Variants in DNAH9 observed in about 807,000 individuals in gnomAD.
The protein encoded by DNAH9 is dynein axonemal heavy chain 9.
In DNAH9, 345 loss-of-function variants were observed where a neutral mutation model predicts 471.6. The observed-to-expected ratio is 0.73, with a 90% CI of 0.67 to 0.80. DNAH9 has a LOEUF of 0.80. DNAH9 is among the 30% of genes least tolerant of loss of function. The pLI is 0.00. For missense variants in DNAH9, 5,407 were observed against 5,609.2 expected (o/e 0.96, Z 1.15); for synonymous variants, 2,093 against 2,123.6 (o/e 0.99, Z 0.40).
intron 31 of DNAH9, among the ~76,000 whole-genome samples, chr17:11,745,895 GCA>G (rs2075516301): frequency 6.6e-6 from 1 of 151,784 alleles, no homozygotes; most frequent in Non-Finnish European, 1.5e-5. Context: ...ATTCACACAT[GCA>G]CACACACACA....
intron 61 of DNAH9, among the ~76,000 whole-genome samples, chr17:11,907,821 G>A (rs543387150): frequency 4.6e-5 from 7 of 152,202 alleles, no homozygotes; most frequent in South Asian, 2.1e-4. Context: ...CTCCAGATAC[G>A]CAGTCCCCCT....
chr17:11,781,528 G>A (rs1232186387), intron 39 of DNAH9, among the ~76,000 whole-genome samples: 2 of 152,160 alleles, frequency 1.3e-5, no homozygotes, highest in African/African-American at 2.4e-5. Flanking sequence ...CTGGGCATGT[G>A]CTTCAATGAT....
chr17:11,906,488 A>C (rs541704862), intron 61 of DNAH9, among the ~76,000 whole-genome samples: 1 of 152,004 alleles, frequency 6.6e-6, no homozygotes, highest in African/African-American at 2.4e-5. Flanking sequence ...TTAGCTAAGC[A>C]TGGTGGCAGG....
chr17:11,747,573 G>A lies in DNAH9; in HGVS notation c.6417G>A (p.Glu2139=). 2 of 1,613,668 alleles carry A rather than the reference G, an allele frequency of 1.2e-6. No individual in the cohort carries two copies. The highest frequency in any genetic ancestry group is 2.2e-5 in the South Asian group (2 of 91,050). The change falls in exon 32 of 69, where the codon GAG becomes GAA. Residue 2139 remains glutamate (E), a synonymous_variant. Coordinates refer to ENST00000262442, the MANE Select transcript of DNAH9 (RefSeq NM_001372.4). ...NFVLKVVQLE[E]LLAVRHSVFV... ...CTCCTCAGGTGGTCCAGCTGGAGGA[G>A]CTCCTGGCTGTGCGGCACTCTGTAT...
chr17:11,818,790 C>G (rs1970200996), intron 45 of DNAH9, among the ~76,000 whole-genome samples: 1 of 151,944 alleles, frequency 6.6e-6, no homozygotes, highest in Non-Finnish European at 1.5e-5. Context: ...TTCATTCTTA[C>G]CTCCCTCAGT....
intron 14 of DNAH9, among the ~76,000 whole-genome samples, chr17:11,662,227 C>A (rs550581567): frequency 5.9e-5 from 9 of 152,166 alleles, no homozygotes; most frequent in East Asian, 1.9e-4. Context: ...GCTGCTTTTA[C>A]TAGATTCTTT....
At chr17:11,776,169 G>A (rs746135641) in intron 38 of DNAH9, among the ~76,000 whole-genome samples, 49 of 152,138 alleles carry the variant, frequency 3.2e-4, no homozygotes, top group Middle Eastern at 3.2e-3. Context: ...TTGACCGCAA[G>A]TAGTGGAAAA....
In DNAH9 at chr17:11,623,741, C is replaced by T. The variant is rs2072919116; in HGVS notation, c.1350+3960C>T. Among the ~76,000 whole-genome samples the T allele has an allele frequency of 6.6e-6, 1 of 152,130 alleles. No individual in the cohort carries two copies. The highest frequency in any genetic ancestry group is 6.6e-5 in the Admixed American group (1 of 15,264). On this transcript the variant is annotated intron_variant, in intron 6 of 68. Transcript: ENST00000262442. This position sits in a 1 kb window ranked among gnomAD's most constrained non-coding sequence, Gnocchi z 4.1. ...TCTTCTATTCTAATACAATCTATGGCCACTGAGATGATGGTAGCTGCAATT... is the reference window on the plus strand; with the variant it reads ...TCTTCTATTCTAATACAATCTATGGTCACTGAGATGATGGTAGCTGCAATT...
intron 54 of DNAH9, among the ~76,000 whole-genome samples, chr17:11,880,530 G>A (rs1972678940): frequency 6.6e-6 from 1 of 152,146 alleles, no homozygotes; most frequent in Non-Finnish European, 1.5e-5. Flanking sequence ...TCTTATACAA[G>A]CCAGTCATCT....
At chr17:11,873,006 A>C (rs1972343869) in intron 52 of DNAH9, among the ~76,000 whole-genome samples, 1 of 152,224 alleles carries the variant, frequency 6.6e-6, no homozygotes, top group East Asian at 1.9e-4. Context: ...TTCCAGATCT[A>C]TTTGTAAGTA....
chr17:11,799,792 C>T (rs111882141), intron 43 of DNAH9, among the ~76,000 whole-genome samples: 8,210 of 152,188 alleles, frequency 0.054, 267 homozygotes, highest in African/African-American at 0.072. Flanking sequence ...ACGATGTTGG[C>T]CAGGCTGGTC....
chr17:11,621,820 G>A (rs934652946), intron 6 of DNAH9, among the ~76,000 whole-genome samples: 6 of 151,962 alleles, frequency 3.9e-5, no homozygotes, highest in South Asian at 4.2e-4. Context: ...GGTGGCTCAC[G>A]CCTGTAATCC....
intron 32 of DNAH9, among the ~76,000 whole-genome samples, chr17:11,749,956 A>G (rs12451647): frequency 0.64 from 96,662 of 151,974 alleles, 31,485 homozygotes; most frequent in Admixed American, 0.76. Flanking sequence ...TCTTGTCTCA[A>G]GCACTTCTTT....
Position 11,744,992 on chromosome 17 carries a change from GTCCCCC to G in DNAH9, c.6308_6313del (p.Val2103_Arg2105delinsGly). ...CGGGGACCTCTTTCCCGCCCTGGAT[GTCCCCC>G]GGAGGAGAGACCCCAACTTCGAAGC... On this transcript the variant is annotated inframe_deletion, in exon 31 of 69. Coordinates refer to ENST00000262442, the MANE Select transcript of DNAH9 (RefSeq NM_001372.4). 6.2e-7 allele frequency: 1 copy of G among 1,614,128 alleles called. No homozygotes were observed. Among genetic ancestry groups the G allele is most frequent in the Non-Finnish European group, 8.5e-7 (1 of 1,179,978 alleles).
intron 10 of DNAH9, among the ~76,000 whole-genome samples, chr17:11,641,450 G>A (rs2073270389): frequency 6.6e-6 from 1 of 152,110 alleles, no homozygotes; most frequent in Non-Finnish European, 1.5e-5. Context: ...CCCATTTGCA[G>A]CATCTGCTTG....
At chr17:11,762,786 T>TG (rs796619027) in intron 35 of DNAH9, among the ~76,000 whole-genome samples, 2,682 of 135,748 alleles carry the variant, frequency 0.02, 184 homozygotes, top group African/African-American at 0.069. Context: ...TTTTTTTTTT[T>TG]TTTTTTTTTT....
chr17:11,669,929 G>A lies in DNAH9; in HGVS notation c.3353+135G>A, dbSNP rs1377347359. 3 of 773,794 alleles carry A rather than the reference G, an allele frequency of 3.9e-6. No homozygotes were observed. In the East Asian group the frequency reaches 7.6e-5, roughly 20 times the overall value. The allele number at this position is 773,794 out of a possible 1,614,324, so 47.9% of individuals were successfully genotyped here. On this transcript the variant is annotated intron_variant, in intron 17 of 68. Transcript: ENST00000262442. ...TTAAGACAGCTGGTTAGAGGTTCTA[G>A]GCTTTTGGACACCATGGTAACTTAA...
At chr17:11,650,620 C>A (rs1244351985) in intron 12 of DNAH9, among the ~76,000 whole-genome samples, 1 of 152,238 alleles carries the variant, frequency 6.6e-6, no homozygotes, top group Non-Finnish European at 1.5e-5. Flanking sequence ...CTCGCTATAA[C>A]TGTTTCATTT....
chr17:11,867,865 T>A (rs775037543), intron 50 of DNAH9, among the ~76,000 whole-genome samples: 3 of 152,226 alleles, frequency 2.0e-5, no homozygotes, highest in Non-Finnish European at 4.4e-5. Context: ...ATACTGTGCA[T>A]GTGGATGGAG....
Sources: allele counts gnomAD v4.1 joint callset (sites outside exome capture counted in the v4.1 genomes callset), GRCh38; gene constraint gnomAD v4.1.1; non-coding constraint Gnocchi (gnomAD v3.1); transcripts MANE v1.5; gene names NCBI Gene and HGNC (gene_info 2026-07-23, HGNC 2026-07-21).